The following DOK6 variants were observed in gnomAD, a reference collection of about 807,000 sequenced individuals.
The protein encoded by DOK6 is downstream of tyrosine kinase 6.
In DOK6, 22 loss-of-function variants were observed where a neutral mutation model predicts 44.0. The ratio of observed to expected loss-of-function variants is 0.50; its 90% CI spans 0.36 to 0.71. DOK6 has a LOEUF of 0.71. DOK6 is among the 30% of genes least tolerant of loss of function. The probability of loss-of-function intolerance (pLI) is 0.00; values close to 1 mark genes in which losing one functional copy is unlikely to be tolerated. For synonymous variants in DOK6, 166 were observed against 145.5 expected, an observed-to-expected ratio of 1.14 and a Z score of -1.01; for missense variants, 340 against 416.4, an observed-to-expected ratio of 0.82 and a Z score of 1.60.
intron 2 of DOK6, among the ~76,000 whole-genome samples, chr18:69,573,170 G>A (rs144611796): frequency 6.6e-6 from 1 of 151,850 alleles, no homozygotes; most frequent in East Asian, 1.9e-4. Flanking sequence ...ATTGATATAA[G>A]TAGGTTGGAT....
intron 3 of DOK6, among the ~76,000 whole-genome samples, chr18:69,641,988 G>A (rs1414624288): frequency 6.6e-6 from 1 of 152,136 alleles, no homozygotes; most frequent in Non-Finnish European, 1.5e-5. Flanking sequence ...CACTGGATTT[G>A]TTTTAATTTT....
At chr18:69,557,044 TAC>T (rs1187911011) in intron 1 of DOK6, among the ~76,000 whole-genome samples, 8 of 152,216 alleles carry the variant, frequency 5.3e-5, no homozygotes, top group Admixed American at 4.6e-4. Context: ...GTTTGTCTGA[TAC>T]ACAGTTATAA....
intron 1 of DOK6, among the ~76,000 whole-genome samples, chr18:69,518,012 G>C (rs181326623): frequency 2.6e-5 from 4 of 151,972 alleles, no homozygotes; most frequent in Admixed American, 2.0e-4. Context: ...AACTTCTCTT[G>C]GTGGCTTGCC....
chr18:69,481,902 A>G (rs1390957982), intron 1 of DOK6, among the ~76,000 whole-genome samples: 1 of 152,126 alleles, frequency 6.6e-6, no homozygotes, highest in Non-Finnish European at 1.5e-5. Flanking sequence ...CTGACTTTTT[A>G]ATGATCACCA....
At position 69,510,759 on chromosome 18, in the gene DOK6, T is replaced by A. The variant is rs533369837; in HGVS notation, c.67-53728T>A. ...TAGTCAATCATTTGGAAAAATGTGCTTAATAGCCAATTGTAACTTTAGTAA... is the reference window on the plus strand; with the variant it reads ...TAGTCAATCATTTGGAAAAATGTGCATAATAGCCAATTGTAACTTTAGTAA... On this transcript the variant is annotated intron_variant, in intron 1 of 7. Coordinates refer to ENST00000382713, the MANE Select transcript of DOK6 (RefSeq NM_152721.6). Among the ~76,000 whole-genome samples the A allele has an allele frequency of 2.6e-5, 4 of 152,328 alleles. No homozygotes were observed. In the South Asian group the frequency reaches 6.2e-4, roughly 24 times the overall value.
intron 7 of DOK6, among the ~76,000 whole-genome samples, chr18:69,795,005 A>G (rs1181465646): frequency 2.6e-5 from 4 of 152,172 alleles, no homozygotes; most frequent in Non-Finnish European, 5.9e-5. Flanking sequence ...ATTTCATTAT[A>G]TATTACAATG....
At chr18:69,604,733 A>T (rs1983954894) in intron 3 of DOK6, among the ~76,000 whole-genome samples, 1 of 152,198 alleles carries the variant, frequency 6.6e-6, no homozygotes, top group Admixed American at 6.5e-5. Flanking sequence ...AATTATTTTT[A>T]GATAAATGTT....
chr18:69,635,240 C>G (rs1984777014), intron 3 of DOK6, among the ~76,000 whole-genome samples: 1 of 152,058 alleles, frequency 6.6e-6, no homozygotes, highest in East Asian at 1.9e-4. Flanking sequence ...AAACCTTTCT[C>G]TAATGCGAGG....
chr18:69,764,164 G>A (rs1308511734), intron 7 of DOK6, among the ~76,000 whole-genome samples: 2 of 151,942 alleles, frequency 1.3e-5, no homozygotes, highest in African/African-American at 2.4e-5. Context: ...CCTTTAACAT[G>A]ATGGCTCAAA....
At chr18:69,766,238 T>C (rs1432882861) in intron 7 of DOK6, among the ~76,000 whole-genome samples, 2 of 152,166 alleles carry the variant, frequency 1.3e-5, no homozygotes, top group Non-Finnish European at 2.9e-5. Flanking sequence ...AGTATGGCCA[T>C]AGTAGACACT....
intron 1 of DOK6, among the ~76,000 whole-genome samples, chr18:69,492,479 T>A (rs1980763363): frequency 6.6e-6 from 1 of 152,154 alleles, no homozygotes; most frequent in Non-Finnish European, 1.5e-5. Context: ...GTTTGTTATA[T>A]GAGTAAATTG....
chr18:69,789,100 TATTTGAGTTACAAACATGACC>T (rs1305159886), intron 7 of DOK6, among the ~76,000 whole-genome samples: 2 of 152,226 alleles, frequency 1.3e-5, no homozygotes, highest in African/African-American at 4.8e-5. Flanking sequence ...CAAGACCATG[TATTTGAGTTACAAACATGACC>T]ATGATTCAAA....
At chr18:69,690,794 T>G (rs1986247564) in intron 4 of DOK6, among the ~76,000 whole-genome samples, 1 of 152,254 alleles carries the variant, frequency 6.6e-6, no homozygotes, top group African/African-American at 2.4e-5. Context: ...AATATTAGAC[T>G]AATGTCTCTG....
At chr18:69,534,189 G>A (rs756885753) in intron 1 of DOK6, among the ~76,000 whole-genome samples, 11 of 152,004 alleles carry the variant, frequency 7.2e-5, no homozygotes, top group South Asian at 2.1e-4. Context: ...TTTTAATGCA[G>A]GTCTCTTTGA....
intron 7 of DOK6, among the ~76,000 whole-genome samples, chr18:69,766,330 TA>T (rs2144762063): frequency 6.6e-6 from 1 of 152,250 alleles, no homozygotes; most frequent in East Asian, 1.9e-4. Context: ...GTCGTAACCA[TA>T]ACCTCAGCAT....
intron 3 of DOK6, among the ~76,000 whole-genome samples, chr18:69,656,655 CAACAG>C (rs1437518438): frequency 6.6e-6 from 1 of 151,980 alleles, no homozygotes; most frequent in Non-Finnish European, 1.5e-5. Context: ...AATTTAAAAA[CAACAG>C]ACTTAAAACA....
At chr18:69,579,431 C>T (rs1260346672) in intron 2 of DOK6, among the ~76,000 whole-genome samples, 1 of 152,110 alleles carries the variant, frequency 6.6e-6, no homozygotes, top group Non-Finnish European at 1.5e-5. Context: ...TTTATTCTTT[C>T]ATAAAAGGTT....
At chr18:69,553,303 T>C (rs1982609855) in intron 1 of DOK6, among the ~76,000 whole-genome samples, 1 of 152,210 alleles carries the variant, frequency 6.6e-6, no homozygotes, top group African/African-American at 2.4e-5. Flanking sequence ...AGACTAAGTA[T>C]TGAAAATAAG....
chr18:69,595,456 G>A (rs1983719252), intron 2 of DOK6, among the ~76,000 whole-genome samples: 1 of 152,110 alleles, frequency 6.6e-6, no homozygotes. Flanking sequence ...CTGCCACTGA[G>A]GGCTTCATCT....
Sources: gnomAD v4.1 joint callset for allele counts (sites outside exome capture counted in the v4.1 genomes callset) on GRCh38, gnomAD v4.1.1 for gene constraint, MANE v1.5 for transcripts, NCBI Gene and HGNC (gene_info 2026-07-23, HGNC 2026-07-21) for gene names.